The following KHDRBS2 variants were observed in gnomAD, a reference collection of about 807,000 sequenced individuals.
KHDRBS2 encodes KH domain-containing, RNA-binding, signal transduction-associated protein 2.
KHDRBS2 carries 26 observed loss-of-function variants against 44.3 expected under a neutral mutation model. That is an observed-to-expected ratio of 0.59 (90% CI 0.43 to 0.81). The LOEUF (loss-of-function observed/expected upper bound fraction) is 0.81. Ranked by LOEUF, KHDRBS2 falls within the 40% of genes least tolerant of loss-of-function variation. KHDRBS2 has a pLI of 0.00. For missense variants in KHDRBS2, 476 were observed against 433.1 expected (o/e 1.10, Z -0.88); for synonymous variants, 194 against 151.1 (o/e 1.28, Z -2.08).
chr6:61,781,912 C>T (rs1033767), intron 6 of KHDRBS2, among the ~76,000 whole-genome samples: 24,252 of 152,072 alleles, frequency 0.16, 2,432 homozygotes, highest in East Asian at 0.29. Context: ...AAACATGATA[C>T]TGAGCACCTA....
chr6:62,230,061 A>T (rs1832649157), intron 1 of KHDRBS2, among the ~76,000 whole-genome samples: 1 of 152,206 alleles, frequency 6.6e-6, no homozygotes, highest in Non-Finnish European at 1.5e-5. Flanking sequence ...AAATTGCTGT[A>T]GCGGTGGTGG....
chr6:61,791,664 G>A (rs907240876), intron 6 of KHDRBS2, among the ~76,000 whole-genome samples: 11 of 151,386 alleles, frequency 7.3e-5, no homozygotes, highest in Admixed American at 2.6e-4. Flanking sequence ...GCTGGATGCA[G>A]ATCAAAAATA....
At chr6:61,665,431 A>G in the KHDRBS2 span, among the ~76,000 whole-genome samples, 3 of 151,430 alleles carry the variant, frequency 2.0e-5, no homozygotes, top group African/African-American at 4.8e-5. Flanking sequence ...GAAAGAGTTA[A>G]CAGGTTGTTG....
chr6:61,974,856 A>G (rs1303416345), intron 4 of KHDRBS2, among the ~76,000 whole-genome samples: 2 of 151,848 alleles, frequency 1.3e-5, no homozygotes, highest in African/African-American at 4.8e-5. Context: ...GCTTGAACCC[A>G]GGAGGTGGAG....
At chr6:61,634,229 G>A in the KHDRBS2 span, among the ~76,000 whole-genome samples, 3 of 151,414 alleles carry the variant, frequency 2.0e-5, no homozygotes, top group Non-Finnish European at 4.4e-5. Context: ...ATCAGATGTG[G>A]CTAGAATGAC....
At chr6:61,970,893 T>C (rs1480523231) in intron 4 of KHDRBS2, among the ~76,000 whole-genome samples, 2 of 152,128 alleles carry the variant, frequency 1.3e-5, no homozygotes, top group African/African-American at 2.4e-5. Context: ...CTGTAATTTG[T>C]TCTAAGCCTG....
intron 1 of KHDRBS2, among the ~76,000 whole-genome samples, chr6:62,222,059 T>C (rs183230165): frequency 1.8e-4 from 28 of 152,274 alleles, no homozygotes; most frequent in Non-Finnish European, 3.2e-4. Flanking sequence ...CCATACACCA[T>C]TGACCAAAGA....
At chr6:61,563,299 C>A in the KHDRBS2 span, among the ~76,000 whole-genome samples, 1 of 151,974 alleles carries the variant, frequency 6.6e-6, no homozygotes, top group South Asian at 2.1e-4. Flanking sequence ...AATATGAGGT[C>A]CTTGGGAAGT....
intron 4 of KHDRBS2, among the ~76,000 whole-genome samples, chr6:61,940,173 T>C (rs1383830066): frequency 6.6e-6 from 1 of 152,046 alleles, no homozygotes; most frequent in Non-Finnish European, 1.5e-5. Flanking sequence ...CAACAAAATG[T>C]TTGATATCAG....
chr6:61,770,068 G>A (rs1780623878), intron 6 of KHDRBS2, among the ~76,000 whole-genome samples: 1 of 152,140 alleles, frequency 6.6e-6, no homozygotes, highest in African/African-American at 2.4e-5. Context: ...TGATACCCAG[G>A]CAAACAGGGT....
chr6:62,258,958 A>G (rs1469624049), intron 1 of KHDRBS2, among the ~76,000 whole-genome samples: 5 of 152,038 alleles, frequency 3.3e-5, no homozygotes, highest in African/African-American at 1.2e-4. Context: ...TTCACTTCAA[A>G]GAGAAGAAAA....
At chr6:62,075,711 C>A (rs1796196876) in intron 2 of KHDRBS2, among the ~76,000 whole-genome samples, 2 of 151,844 alleles carry the variant, frequency 1.3e-5, no homozygotes, top group Admixed American at 1.3e-4. Context: ...TCATCCCAGG[C>A]TTTATGCCAT....
rs187545167 is a variant in KHDRBS2, at chr6:62,106,382, T to C, written c.220-58388A>G. Among the ~76,000 whole-genome samples the C allele has an allele frequency of 2.1e-3, 327 of 152,222 alleles. 2 individuals are homozygous for C. The highest frequency in any genetic ancestry group is 7.7e-3 in the African/African-American group (318 of 41,542). On this transcript the variant is annotated intron_variant, in intron 2 of 8. Coordinates refer to ENST00000281156, the MANE Select transcript of KHDRBS2 (RefSeq NM_152688.4). The stretch of plus-strand genomic sequence containing the variant: ...CGGTCTAATGTGGATAGTGGGGTGT[T>C]AAAGTCTCCCATTATTATTGTGTGG...
chr6:62,077,079 C>T (rs1472036223), intron 2 of KHDRBS2, among the ~76,000 whole-genome samples: 3 of 151,990 alleles, frequency 2.0e-5, no homozygotes, highest in Non-Finnish European at 4.4e-5. Flanking sequence ...AATAAATTTA[C>T]TCCAAGATCT....
intron 6 of KHDRBS2, among the ~76,000 whole-genome samples, chr6:61,857,951 T>C (rs1796379202): frequency 1.3e-5 from 2 of 151,980 alleles, no homozygotes; most frequent in African/African-American, 4.8e-5. Context: ...ATACGTCTAT[T>C]ATGGCACACT....
At chr6:61,954,208 G>T (rs17351796) in intron 4 of KHDRBS2, among the ~76,000 whole-genome samples, 5,492 of 149,676 alleles carry the variant, frequency 0.037, 168 homozygotes, top group Middle Eastern at 0.084. Flanking sequence ...TTTTTCTACA[G>T]TCTGATAACT....
intron 1 of KHDRBS2, among the ~76,000 whole-genome samples, chr6:62,231,328 C>G (rs1181367411): frequency 6.6e-6 from 1 of 152,154 alleles, no homozygotes; most frequent in Non-Finnish European, 1.5e-5. Context: ...GAAGGAGAAG[C>G]AAGGACCTTC....
chr6:62,057,962 A>AT lies in KHDRBS2; in HGVS notation c.220-9969dup, dbSNP rs1275562740. 3.9e-5 allele frequency among the ~76,000 whole-genome samples: 6 copies of AT among 152,100 alleles called. No individual in the cohort carries two copies. In the East Asian group the frequency reaches 1.2e-3, roughly 30 times the overall value. The stretch of plus-strand genomic sequence containing the variant: ...AAAATATTTTAGGGACATTTTTAAC[A>AT]TAGTTTACCCAACAACAGTTTAAAA... On this transcript the variant is annotated intron_variant, in intron 2 of 8. Transcript: ENST00000281156.
chr6:61,590,395 T>C, the KHDRBS2 span, among the ~76,000 whole-genome samples: 1 of 152,180 alleles, frequency 6.6e-6, no homozygotes, highest in Non-Finnish European at 1.5e-5. Context: ...CAAGGTGACA[T>C]TGACCTTGGT....
Sources: allele counts gnomAD v4.1 joint callset (sites outside exome capture counted in the v4.1 genomes callset), GRCh38; gene constraint gnomAD v4.1.1; transcripts MANE v1.5; gene names NCBI Gene and HGNC (gene_info 2026-07-23, HGNC 2026-07-21).